FGF14: variants seen among roughly 807,000 people sequenced by gnomAD.
The protein encoded by FGF14 is fibroblast growth factor homologous factor 4.
In FGF14, 5 loss-of-function variants were observed where a neutral mutation model predicts 25.5. That is an observed-to-expected ratio of 0.20 (90% confidence interval 0.10 to 0.41). The LOEUF (loss-of-function observed/expected upper bound fraction) is 0.41, where lower values mean the gene tolerates loss of function less well. FGF14 is among the 10% of genes least tolerant of loss of function. The pLI, the probability that FGF14 is intolerant of heterozygous loss-of-function variation, is 1.00. For synonymous variants in FGF14, 138 were observed against 118.3 expected, an observed-to-expected ratio of 1.17 and a Z score of -1.08; for missense variants, 222 against 320.1, an observed-to-expected ratio of 0.69 and a Z score of 2.34.
intron 1 of FGF14, among the ~76,000 whole-genome samples, chr13:102,161,688 G>GTC (rs1566765821): frequency 0.098 from 8,147 of 83,502 alleles, 548 homozygotes; most frequent in Middle Eastern, 0.3. Context: ...AGAAGAAGAA[G>GTC]AAGAAGAAGA....
chr13:102,017,477 G>A (rs990820566), intron 1 of FGF14, among the ~76,000 whole-genome samples: 8 of 152,116 alleles, frequency 5.3e-5, no homozygotes, highest in Non-Finnish European at 1.2e-4. Context: ...TGATAAGTCT[G>A]CTGTCAATCT....
intron 1 of FGF14, among the ~76,000 whole-genome samples, chr13:102,156,245 A>G (rs912126101): frequency 6.6e-6 from 1 of 152,174 alleles, no homozygotes; most frequent in Non-Finnish European, 1.5e-5. Flanking sequence ...GATGAACATC[A>G]ATGCAAAAAT....
At chr13:102,038,260 G>A (rs1803006910) in intron 1 of FGF14, among the ~76,000 whole-genome samples, 1 of 152,100 alleles carries the variant, frequency 6.6e-6, no homozygotes, top group Admixed American at 6.6e-5. Flanking sequence ...AATGGAAAGG[G>A]AATAATATCA....
chr13:101,725,862 A>G (rs2035383932), intron 4 of FGF14, among the ~76,000 whole-genome samples: 1 of 152,074 alleles, frequency 6.6e-6, no homozygotes. Flanking sequence ...CACTTTTGGC[A>G]GAATCATTAA....
rs111508562 is a variant in FGF14 at position 101,969,648 on chromosome 13, G to A, written c.209-94352C>T. On this transcript the variant is annotated intron_variant, in intron 1 of 4. Transcript: ENST00000376131. Reference sequence around the variant, plus strand: ...ACTGCTTGTAAGACTATTTTTCACCGTAAATTGAACTCAAAATTTGCATAT... The same window carrying A: ...ACTGCTTGTAAGACTATTTTTCACCATAAATTGAACTCAAAATTTGCATAT... Among the ~76,000 whole-genome samples, 700 of 152,212 alleles carry A rather than the reference G, an allele frequency of 4.6e-3. 3 individuals are homozygous for A. The highest frequency in any genetic ancestry group is 8.6e-3 in the African/African-American group (355 of 41,518).
At chr13:102,242,165 T>C (rs2051635672) in intron 1 of FGF14, among the ~76,000 whole-genome samples, 1 of 152,106 alleles carries the variant, frequency 6.6e-6, no homozygotes, top group African/African-American at 2.4e-5. Flanking sequence ...ATGAATAAGT[T>C]ATTAGCTCAC....
rs369594396 is a variant in FGF14, at chr13:102,075,448, T to C, written c.209-200152A>G. 3.9e-5 allele frequency among the ~76,000 whole-genome samples: 6 copies of C among 152,302 alleles called. No homozygotes were observed. In the East Asian group the frequency reaches 1.2e-3, roughly 29 times the overall value. On this transcript the variant is annotated intron_variant, in intron 1 of 4. Transcript: ENST00000376131. ...AAAAATTCCTATCATCTTAGCACAA[T>C]GCATTTCTCATGTGTTTGTGGTGAT...
At chr13:101,952,512 C>A (rs955171196) in intron 1 of FGF14, among the ~76,000 whole-genome samples, 1 of 151,672 alleles carries the variant, frequency 6.6e-6, no homozygotes, top group Non-Finnish European at 1.5e-5. Flanking sequence ...AATAATAAAT[C>A]TGAATGATGA....
intron 1 of FGF14, among the ~76,000 whole-genome samples, chr13:102,264,733 T>A (rs575098291): frequency 6.6e-6 from 1 of 152,286 alleles, no homozygotes; most frequent in Middle Eastern, 3.4e-3. Flanking sequence ...TATTTAAACC[T>A]GGAGTCAGAG....
chr13:102,060,033 C>CT (rs2042609793), intron 1 of FGF14, among the ~76,000 whole-genome samples: 1 of 152,068 alleles, frequency 6.6e-6, no homozygotes, highest in Non-Finnish European at 1.5e-5. Flanking sequence ...AAATTCCAAA[C>CT]TTTTTGAGTG....
intron 1 of FGF14, among the ~76,000 whole-genome samples, chr13:101,965,231 A>C (rs949995089): frequency 2.0e-5 from 3 of 150,552 alleles, no homozygotes; most frequent in Non-Finnish European, 3.0e-5. Flanking sequence ...CCTGGGTGAG[A>C]GAGCAAGACT....
intron 1 of FGF14, among the ~76,000 whole-genome samples, chr13:102,128,095 C>T (rs931900995): frequency 2.6e-5 from 4 of 152,260 alleles, no homozygotes; most frequent in East Asian, 1.9e-4. Context: ...CTCCACATCC[C>T]GGATATCCAA....
intron 3 of FGF14, among the ~76,000 whole-genome samples, chr13:101,785,401 AATATT>A (rs2039753184): frequency 6.6e-6 from 1 of 150,582 alleles, no homozygotes; most frequent in Non-Finnish European, 1.5e-5. Context: ...ATTAGAAAAC[AATATT>A]ATTTTCTATA....
intron 1 of FGF14, among the ~76,000 whole-genome samples, chr13:102,236,082 T>C (rs1255914498): frequency 6.6e-6 from 1 of 152,228 alleles, no homozygotes; most frequent in Non-Finnish European, 1.5e-5. Context: ...ACCTTCCCCA[T>C]GACTTTTTGC....
At chr13:102,375,595 C>G (rs1195289249) in intron 1 of FGF14, among the ~76,000 whole-genome samples, 3 of 152,088 alleles carry the variant, frequency 2.0e-5, no homozygotes, top group African/African-American at 7.2e-5. Context: ...ATAAATAAGA[C>G]TGCTTATATG....
chr13:101,869,055 T>G (rs1236675485), intron 2 of FGF14, among the ~76,000 whole-genome samples: 2 of 152,208 alleles, frequency 1.3e-5, no homozygotes, highest in African/African-American at 4.8e-5. Flanking sequence ...GCTGACAGCA[T>G]TCTGAAGGGC....
chr13:102,305,423 A>G (rs1425135634), intron 1 of FGF14, among the ~76,000 whole-genome samples: 1 of 152,174 alleles, frequency 6.6e-6, no homozygotes, highest in African/African-American at 2.4e-5. Flanking sequence ...TCAAATGTGG[A>G]TTGCCTACGA....
chr13:102,295,963 T>C lies in FGF14; in HGVS notation c.208+105508A>G, dbSNP rs141541654. Among the ~76,000 whole-genome samples the C allele has an allele frequency of 6.5e-3, 995 of 152,182 alleles. 5 individuals carry two copies. Among genetic ancestry groups the C allele is most frequent in the Admixed American group, 0.013 (198 of 15,280 alleles). On this transcript the variant is annotated intron_variant, in intron 1 of 4. Transcript: ENST00000376131. ...TGAAAAATAAAGTCCCTTTGAACTA[T>C]AGAAGAAAAAAAACAGAAGAATTGA...
Position 101,892,263 on chromosome 13 carries a change from T to A in FGF14, c.194-16967A>T, listed in dbSNP as rs906683517. On this transcript the variant is annotated intron_variant, in intron 1 of 4. Transcript: ENST00000376143. ...AAAGTGCCTTATATTACCTAAAAAA[T>A]TTTTGTTATGAAGATTTCCATGTAG... 3.3e-5 allele frequency among the ~76,000 whole-genome samples: 5 copies of A among 152,270 alleles called. No homozygotes were observed. The South Asian group carries it at 6.2e-4, about 19-fold the overall frequency.
Sources: gnomAD v4.1 joint callset for allele counts (sites outside exome capture counted in the v4.1 genomes callset) on GRCh38, gnomAD v4.1.1 for gene constraint, MANE v1.5 for transcripts, NCBI Gene and HGNC (gene_info 2026-07-23, HGNC 2026-07-21) for gene names.